Variants in SCHIP1 observed in about 807,000 individuals in gnomAD.
SCHIP1 encodes schwannomin interacting protein 1, also known as schwannomin-interacting protein 1.
A neutral mutation model predicts 29.7 loss-of-function variants in SCHIP1; 8 were observed. The ratio of observed to expected loss-of-function variants is 0.27; its 90% CI spans 0.16 to 0.49. The LOEUF is 0.49. Among genes scored for constraint, SCHIP1 ranks in the 20% least tolerant of loss-of-function variants. The pLI, the probability that SCHIP1 is intolerant of heterozygous loss-of-function variation, is 0.99. For missense variants in SCHIP1, 193 were observed against 294.6 expected, an observed-to-expected ratio of 0.66 and a Z score of 2.52; for synonymous variants, 76 against 94.9, an observed-to-expected ratio of 0.80 and a Z score of 1.16.
At chr3:159,294,507 T>C in the SCHIP1 span, among the ~76,000 whole-genome samples, 1 of 152,146 alleles carries the variant, frequency 6.6e-6, no homozygotes, top group Non-Finnish European at 1.5e-5. Context: ...TGACATGACG[T>C]TTTTCTTTCA....
the SCHIP1 span, among the ~76,000 whole-genome samples, chr3:159,584,537 G>T: frequency 6.6e-6 from 1 of 152,072 alleles, no homozygotes. Context: ...TTTTCTAGCC[G>T]GAGTTACAGG....
the SCHIP1 span, among the ~76,000 whole-genome samples, chr3:159,802,536 G>C: frequency 6.6e-6 from 1 of 152,086 alleles, no homozygotes; most frequent in Non-Finnish European, 1.5e-5. Context: ...TTTTGTGCCT[G>C]ATTTTAAAAA....
the SCHIP1 span, among the ~76,000 whole-genome samples, chr3:159,715,460 A>AAGG: frequency 3.1e-3 from 468 of 152,318 alleles, 3 homozygotes; most frequent in Middle Eastern, 0.01. Flanking sequence ...CTCTGAGCTA[A>AAGG]AGGAGGATAT....
chr3:159,470,391 A>G, the SCHIP1 span, among the ~76,000 whole-genome samples: 27 of 152,196 alleles, frequency 1.8e-4, no homozygotes, highest in Non-Finnish European at 4.4e-5. Context: ...GGCATAACAA[A>G]TGATTCAGAC....
the SCHIP1 span, among the ~76,000 whole-genome samples, chr3:159,774,255 C>T: frequency 6.6e-6 from 1 of 152,144 alleles, no homozygotes; most frequent in Non-Finnish European, 1.5e-5. Context: ...TGCAAGAGCT[C>T]TCCTTGTTTC....
At chr3:159,854,692 C>CA in intron 1 of SCHIP1, among the ~76,000 whole-genome samples, 1 of 152,338 alleles carries the variant, frequency 6.6e-6, no homozygotes, top group East Asian at 1.9e-4. Flanking sequence ...CTCTGCAGAA[C>CA]AAGTGTAGCC....
the SCHIP1 span, among the ~76,000 whole-genome samples, chr3:159,491,294 A>G: frequency 6.6e-6 from 1 of 152,244 alleles, no homozygotes; most frequent in African/African-American, 2.4e-5. Context: ...CATGAGTCGA[A>G]GCAGGGCGAG....
the SCHIP1 span, among the ~76,000 whole-genome samples, chr3:159,778,947 T>G: frequency 6.6e-6 from 1 of 152,256 alleles, no homozygotes; most frequent in Non-Finnish European, 1.5e-5. Context: ...GCTTTCCATC[T>G]GGGCTGTGGA....
chr3:159,597,014 G>A, the SCHIP1 span, among the ~76,000 whole-genome samples: 1 of 150,840 alleles, frequency 6.6e-6, no homozygotes, highest in African/African-American at 2.4e-5. Flanking sequence ...CCCTAGGCTT[G>A]AATTACAGAA....
At chr3:159,818,340 G>A in the SCHIP1 span, among the ~76,000 whole-genome samples, 1 of 152,200 alleles carries the variant, frequency 6.6e-6, no homozygotes, top group Non-Finnish European at 1.5e-5. Context: ...ATAACACTCT[G>A]AGATTCAAAG....
chr3:159,281,838 C>T, the SCHIP1 span, among the ~76,000 whole-genome samples: 2 of 152,008 alleles, frequency 1.3e-5, no homozygotes, highest in Non-Finnish European at 2.9e-5. Flanking sequence ...AAAAATATAT[C>T]TCACCATTAA....
At chr3:159,878,445 GCA>G (rs1264765288) in intron 2 of SCHIP1, among the ~76,000 whole-genome samples, 1 of 150,692 alleles carries the variant, frequency 6.6e-6, no homozygotes, top group East Asian at 2.0e-4. Flanking sequence ...TTGCACCCCT[GCA>G]CTCCAGCCTG....
chr3:159,581,269 G>A, the SCHIP1 span, among the ~76,000 whole-genome samples: 4 of 152,134 alleles, frequency 2.6e-5, no homozygotes, highest in African/African-American at 9.7e-5. Context: ...ACAGTGTTGA[G>A]TTTCCTGGAT....
the SCHIP1 span, among the ~76,000 whole-genome samples, chr3:159,760,334 C>A: frequency 1.3e-5 from 2 of 152,278 alleles, no homozygotes; most frequent in South Asian, 4.1e-4. Context: ...TTTGAAGTAG[C>A]TGCAAGGAGA....
At chr3:159,474,937 GATA>G in the SCHIP1 span, among the ~76,000 whole-genome samples, 2 of 152,112 alleles carry the variant, frequency 1.3e-5, no homozygotes, top group African/African-American at 4.8e-5. Flanking sequence ...GAAAAAGATG[GATA>G]ATAACAAGTA....
chr3:159,763,545 G>C, the SCHIP1 span, among the ~76,000 whole-genome samples: 1 of 152,136 alleles, frequency 6.6e-6, no homozygotes, highest in Non-Finnish European at 1.5e-5. Flanking sequence ...GCCTATCTTG[G>C]CCCCTCCAAC....
the SCHIP1 span, among the ~76,000 whole-genome samples, chr3:159,784,596 T>C: frequency 6.6e-6 from 1 of 152,228 alleles, no homozygotes; most frequent in African/African-American, 2.4e-5. Context: ...CGTTTGCTCT[T>C]TTCCCTTAAC....
At chr3:159,642,063 A>T in the SCHIP1 span, among the ~76,000 whole-genome samples, 1 of 152,002 alleles carries the variant, frequency 6.6e-6, no homozygotes, top group Non-Finnish European at 1.5e-5. Context: ...CCACTTATGG[A>T]CTCTGTGATC....
chr3:159,374,306 G>C, the SCHIP1 span, among the ~76,000 whole-genome samples: 4,101 of 152,150 alleles, frequency 0.027, 75 homozygotes, highest in East Asian at 0.11. Context: ...AGCAAACAGG[G>C]ATAAGCAGGA....
Sources: gnomAD v4.1 joint callset for allele counts (sites outside exome capture counted in the v4.1 genomes callset) on GRCh38, gnomAD v4.1.1 for gene constraint, MANE v1.5 for transcripts, NCBI Gene and HGNC (gene_info 2026-07-23, HGNC 2026-07-21) for gene names.